Variants in DNAH6 observed in about 807,000 individuals in gnomAD.
DNAH6 encodes the protein dynein axonemal heavy chain 6.
A neutral mutation model predicts 491.4 loss-of-function variants in DNAH6; 340 were observed. That is an observed-to-expected ratio of 0.69 (90% CI 0.63 to 0.76). DNAH6 has a LOEUF of 0.76. DNAH6 is among the 30% of genes least tolerant of loss of function. The pLI, the probability that DNAH6 is intolerant of heterozygous loss-of-function variation, is 0.00. For missense variants in DNAH6, 4,443 were observed against 4,972.2 expected (o/e 0.89, Z 3.20); for synonymous variants, 1,603 against 1,686.1 (o/e 0.95, Z 1.21).
chr2:84,573,490 A>G lies in DNAH6; in HGVS notation c.1827A>G (p.Glu609=), dbSNP rs1400432516. The G allele has an allele frequency of 1.3e-6, 2 of 1,585,088 alleles. No individual in the cohort carries two copies. The highest frequency in any genetic ancestry group is 8.5e-7 in the Non-Finnish European group (1 of 1,171,256). ...QIKETIQAAF[E]SARIYAATFE... Reference sequence around the variant, plus strand: ...AGGAAACCATTCAGGCCGCATTTGAATCAGCCCGCATCTATGCAGCTACCT... The same window carrying G: ...AGGAAACCATTCAGGCCGCATTTGAGTCAGCCCGCATCTATGCAGCTACCT... The change falls in exon 12 of 77, where the codon GAA becomes GAG. Residue 609 remains glutamate, a synonymous_variant. Coordinates refer to ENST00000389394, the MANE Select transcript of DNAH6 (RefSeq NM_001370.2).
At position 84,722,678 on chromosome 2, in the gene DNAH6, G is replaced by A. The variant is rs373569654; in HGVS notation, c.9846G>A (p.Gln3282=). The change falls in exon 60 of 77, where the codon CAG becomes CAA. Residue 3282 remains glutamine, a synonymous_variant. Coordinates refer to ENST00000389394, the MANE Select transcript of DNAH6 (RefSeq NM_001370.2). The part of the protein sequence containing the change: ...TRLEEAESTE[Q]MINVAREKYR... ...TGGAAGAAGCAGAGTCCACTGAGCAGATGATCAATGTGGCTCGTGAGAAGT... is the reference window on the plus strand; with the variant it reads ...TGGAAGAAGCAGAGTCCACTGAGCAAATGATCAATGTGGCTCGTGAGAAGT... 4 of 1,550,704 alleles carry A rather than the reference G, an allele frequency of 2.6e-6. No homozygotes were observed. Among genetic ancestry groups the A allele is most frequent in the African/African-American group, 2.7e-5 (2 of 72,990 alleles).
At position 84,685,336 on chromosome 2, in the gene DNAH6, A is replaced by G. The variant is rs1694165592; in HGVS notation, c.6927A>G (p.Gln2309=). ...DLSKCVQGIL[Q]CDPGTIREEI... ...TTTCTTAAAAAACAGGTATCCTCCA[A>G]TGTGATCCAGGAACAATAAGAGAAG... The change falls in exon 43 of 77, where the codon CAA becomes CAG. Residue 2309 remains glutamine (Q), a synonymous_variant. Transcript: ENST00000389394. 5.4e-6 allele frequency: 8 copies of G among 1,492,796 alleles called. No individual in the cohort carries two copies. In the Middle Eastern group the frequency reaches 7.2e-4, roughly 135 times the overall value. The allele number at this position is 1,492,796 out of a possible 1,614,324, so 92.5% of individuals were successfully genotyped here.
At chr2:84,565,661 A>G (rs1036527531) in intron 11 of DNAH6, among the ~76,000 whole-genome samples, 6 of 151,870 alleles carry the variant, frequency 4.0e-5, no homozygotes, top group Non-Finnish European at 5.9e-5. Context: ...TGCCTCAATG[A>G]TCAGTCACTG....
rs189211938 is a variant in DNAH6 at position 84,809,598 on chromosome 2, T to C, written c.11739+1056T>C. Among the ~76,000 whole-genome samples, 68 of 152,322 alleles carry C rather than the reference T, an allele frequency of 4.5e-4. 1 individual carries two copies. In the East Asian group the frequency reaches 0.012, roughly 26 times the overall value. Reference sequence around the variant, plus strand: ...AATTGGGGTACAGACTAAGCTGCTATGATAAAGACCCCCATAACATAGTCC... The same window carrying C: ...AATTGGGGTACAGACTAAGCTGCTACGATAAAGACCCCCATAACATAGTCC... On this transcript the variant is annotated intron_variant, in intron 72 of 76. Coordinates refer to ENST00000389394, the MANE Select transcript of DNAH6 (RefSeq NM_001370.2).
At chr2:84,488,225 ATGT>A in the DNAH6 span, among the ~76,000 whole-genome samples, 1 of 152,174 alleles carries the variant, frequency 6.6e-6, no homozygotes, top group African/African-American at 2.4e-5. Context: ...CACAAAGGTA[ATGT>A]TGTTTAAAAC....
At chr2:84,781,437 T>C in intron 64 of DNAH6, 56 bp from the exon 65 acceptor site, 2 of 1,415,470 alleles carry the variant, frequency 1.4e-6, no homozygotes, top group Non-Finnish European at 1.9e-6. Flanking sequence ...TTTCTTCATA[T>C]TGATTTTGCT....
At chr2:84,608,693 G>A (rs1334601767) in intron 21 of DNAH6, among the ~76,000 whole-genome samples, 1 of 140,548 alleles carries the variant, frequency 7.1e-6, no homozygotes, top group African/African-American at 2.5e-5. Flanking sequence ...AGTAGATTTG[G>A]CATAATTCTT....
chr2:84,625,499 A>T (rs768516654), intron 29 of DNAH6, among the ~76,000 whole-genome samples: 77 of 152,200 alleles, frequency 5.1e-4, no homozygotes, highest in Non-Finnish European at 9.3e-4. Flanking sequence ...CTTTTTGGTC[A>T]TGGGACCCCT....
At chr2:84,553,077 G>A in intron 10 of DNAH6, 43 bp downstream of exon 10, 2 of 1,181,446 alleles carry the variant, frequency 1.7e-6, no homozygotes, top group Non-Finnish European at 2.4e-6. Flanking sequence ...GCACCTATTT[G>A]GAAAATGAAG....
chr2:84,694,334 G>A lies in DNAH6; in HGVS notation c.7378G>A (p.Ala2460Thr). ...AGGAAAGCAGTCACTCACGAGACTT[G>A]CAGCTCATATATGCGGTTACAAATG... The part of the protein sequence containing the change: ...GTGKQSLTRL[A>T]AHICGYKCLQ... The change falls in exon 46 of 77, where the codon GCA becomes ACA. Residue 2460 changes from alanine (A) to threonine (T), a missense_variant. Ala to Thr is a moderately conservative substitution (Grantham distance 58). Around this residue, in one of 3 missense-constraint regions of DNAH6, gnomAD observed 2,977 missense variants for 3,296.6 expected, o/e 0.90. Coordinates refer to ENST00000389394, the MANE Select transcript of DNAH6 (RefSeq NM_001370.2). 1.3e-6 allele frequency: 2 copies of A among 1,552,396 alleles called. No individual in the cohort carries two copies. The highest frequency in any genetic ancestry group is 1.2e-5 in the South Asian group (1 of 84,064).
At position 84,681,431 on chromosome 2, in the gene DNAH6, A is replaced by T. The variant is rs764941826; in HGVS notation, c.6819A>T (p.Ser2273=). The T allele has an allele frequency of 3.0e-5, 47 of 1,551,494 alleles. No homozygotes were observed. The highest frequency in any genetic ancestry group is 3.7e-5 in the Non-Finnish European group (43 of 1,146,912). The part of the protein sequence containing the change: ...KQTASSIVEA[S]VEIYNKMSVD... ...CTGCATCAAGCATTGTAGAAGCCTCAGTTGAGATTTATAACAAAATGAGTG... is the reference window on the plus strand; with the variant it reads ...CTGCATCAAGCATTGTAGAAGCCTCTGTTGAGATTTATAACAAAATGAGTG... The change falls in exon 42 of 77, where the codon TCA becomes TCT. Residue 2273 remains serine, a synonymous_variant. Coordinates refer to ENST00000389394, the MANE Select transcript of DNAH6 (RefSeq NM_001370.2).
At chr2:84,658,788 T>G (rs1409808769) in intron 36 of DNAH6, among the ~76,000 whole-genome samples, 1 of 152,030 alleles carries the variant, frequency 6.6e-6, no homozygotes, top group Non-Finnish European at 1.5e-5. Flanking sequence ...AAAGACAAAC[T>G]TGGACTTTTT....
At chr2:84,710,527 A>G in intron 56 of DNAH6, 115 bp downstream of exon 56, 1 of 1,076,398 alleles carries the variant, frequency 9.3e-7, no homozygotes, top group South Asian at 1.4e-5. Context: ...CCATTTTCAA[A>G]TTGGTCAAAC....
intron 11 of DNAH6, among the ~76,000 whole-genome samples, chr2:84,564,993 A>G (rs980084194): frequency 2.6e-5 from 4 of 152,178 alleles, no homozygotes; most frequent in African/African-American, 7.2e-5. Flanking sequence ...AATCACATTT[A>G]TTGATTTGCA....
chr2:84,506,068 A>G, the DNAH6 span, among the ~76,000 whole-genome samples: 1 of 152,226 alleles, frequency 6.6e-6, no homozygotes, highest in Non-Finnish European at 1.5e-5. Context: ...CTTTGGGTAT[A>G]TACCCAGTAA....
intron 66 of DNAH6, 107 bp from the exon 67 acceptor site, chr2:84,785,503 T>A: frequency 8.7e-7 from 1 of 1,152,154 alleles, no homozygotes; most frequent in South Asian, 1.8e-5. Flanking sequence ...CCCATGAACA[T>A]CAGCAATCTA....
intron 10 of DNAH6, among the ~76,000 whole-genome samples, chr2:84,555,138 T>C (rs890845035): frequency 1.3e-5 from 2 of 152,218 alleles, no homozygotes; most frequent in Admixed American, 1.3e-4. Flanking sequence ...GCCTTAATCA[T>C]TCCCAATGAT....
chr2:84,634,617 C>A lies in DNAH6; in HGVS notation c.4629C>A (p.Thr1543=). ...CCGTCATCGCGCAGCAACTCATTAC[C>A]ATTAGGAACGCCAAAGCGGCAAAGG... ...VLSVIAQQLI[T]IRNAKAAKLS... is the part of the protein sequence containing the mutation. The change falls in exon 30 of 77, where the codon ACC becomes ACA. Residue 1543 remains threonine (T), a synonymous_variant. Coordinates refer to ENST00000389394, the MANE Select transcript of DNAH6 (RefSeq NM_001370.2). 1 of 1,540,230 alleles carries A rather than the reference C, an allele frequency of 6.5e-7. No homozygotes were observed. The highest frequency in any genetic ancestry group is 2.0e-5 in the Admixed American group (1 of 48,938).
rs755206708 is a variant in DNAH6, at chr2:84,784,727, G to T, written c.10870G>T (p.Ala3624Ser). Residue 3624 changes from alanine (A) to serine (S), a missense_variant, in exon 66 of 77, where the codon GCT (alanine) becomes TCT (serine). Transcript: ENST00000389394. The part of the protein sequence containing the change: ...LIKTFTDPDS[A>S]IKDTFRLFLS... The stretch of plus-strand genomic sequence containing the variant: ...TTTATCTTTGTTTTAAGCAGATAGT[G>T]CTATCAAGGACACTTTTCGACTTTT... 4.9e-5 allele frequency: 76 copies of T among 1,545,120 alleles called. No individual in the cohort carries two copies. The highest frequency in any genetic ancestry group is 6.0e-5 in the Non-Finnish European group (69 of 1,141,446).
Sources: allele counts gnomAD v4.1 joint callset (sites outside exome capture counted in the v4.1 genomes callset), GRCh38; gene constraint gnomAD v4.1.1; regional missense constraint gnomAD v4.1.1; transcripts MANE v1.5; gene names NCBI Gene and HGNC (gene_info 2026-07-23, HGNC 2026-07-21).